The following ARHGAP10 variants were observed in gnomAD, a reference collection of about 807,000 sequenced individuals.
ARHGAP10 encodes the protein rho GTPase-activating protein 10.
In ARHGAP10, 87 loss-of-function variants were observed where a neutral mutation model predicts 108.6. The observed-to-expected ratio is 0.80, with a 90% CI of 0.67 to 0.96. The LOEUF (loss-of-function observed/expected upper bound fraction) is 0.96, where lower values mean the gene tolerates loss of function less well. Among genes scored for constraint, ARHGAP10 ranks in the 40% least tolerant of loss-of-function variants. ARHGAP10 has a pLI of 0.00. For missense variants in ARHGAP10, 939 were observed against 954.5 expected (o/e 0.98, Z 0.21); for synonymous variants, 347 against 341.1 (o/e 1.02, Z -0.19).
chr4:147,859,836 A>G (rs1235091480), intron 5 of ARHGAP10, among the ~76,000 whole-genome samples: 2 of 152,212 alleles, frequency 1.3e-5, no homozygotes, highest in East Asian at 3.8e-4. Flanking sequence ...ACATGAAGAG[A>G]TCCTAACGAT....
intron 1 of ARHGAP10, among the ~76,000 whole-genome samples, chr4:147,737,265 C>T (rs1728455956): frequency 1.3e-5 from 2 of 151,966 alleles, no homozygotes; most frequent in Admixed American, 1.3e-4. Context: ...ATTCTTGTGC[C>T]TTAGCCTCCC....
chr4:148,068,692 G>A (rs564795754), intron 22 of ARHGAP10, among the ~76,000 whole-genome samples: 22 of 152,316 alleles, frequency 1.4e-4, no homozygotes, highest in Admixed American at 3.9e-4. Context: ...TTGCCTCGGG[G>A]TGGGAGATAG....
intron 1 of ARHGAP10, among the ~76,000 whole-genome samples, chr4:147,799,913 G>T (rs769498110): frequency 2.0e-5 from 3 of 151,978 alleles, no homozygotes; most frequent in Admixed American, 2.0e-4. Context: ...CTTTTTTTTG[G>T]GGGGGTGCGG....
chr4:147,870,006 G>T (rs56178834), intron 7 of ARHGAP10, among the ~76,000 whole-genome samples: 13,271 of 132,088 alleles, frequency 0.1, 1,034 homozygotes, highest in South Asian at 0.17. Context: ...GTTTGTGTGT[G>T]TGTGTGTGTG....
At chr4:147,991,430 T>G (rs1283556434) in intron 18 of ARHGAP10, among the ~76,000 whole-genome samples, 2 of 152,274 alleles carry the variant, frequency 1.3e-5, no homozygotes, top group African/African-American at 4.8e-5. Context: ...GGAGGGGCCT[T>G]ACGGAGCTTA....
intron 19 of ARHGAP10, among the ~76,000 whole-genome samples, chr4:148,034,484 ATTTTTT>A (rs76525018): frequency 7.2e-6 from 1 of 139,164 alleles, no homozygotes; most frequent in Non-Finnish European, 1.6e-5. Context: ...CTCCCGGCTA[ATTTTTT>A]TTTTTTTTTT....
intron 18 of ARHGAP10, among the ~76,000 whole-genome samples, chr4:147,989,461 T>G (rs202183626): frequency 2.1e-5 from 3 of 139,772 alleles, no homozygotes; most frequent in African/African-American, 7.7e-5. Context: ...GGAGTTTATT[T>G]CACCTCTGCA....
chr4:147,946,539 G>C, intron 14 of ARHGAP10, 78 bp from the exon 15 acceptor site: 1 of 1,225,538 alleles, frequency 8.2e-7, no homozygotes, highest in Middle Eastern at 1.9e-4. Flanking sequence ...TTTAAAAATG[G>C]AAGCTTTGTG....
chr4:147,803,416 G>A (rs148959183), intron 1 of ARHGAP10, among the ~76,000 whole-genome samples: 10 of 152,286 alleles, frequency 6.6e-5, no homozygotes, highest in South Asian at 2.1e-4. Context: ...GGGTAATTGG[G>A]ATATCTATTG....
intron 3 of ARHGAP10, among the ~76,000 whole-genome samples, chr4:147,834,892 C>T (rs992778458): frequency 1.7e-4 from 26 of 151,952 alleles, no homozygotes; most frequent in African/African-American, 6.0e-4. Flanking sequence ...AGATGTTTCC[C>T]CTAATAAATT....
chr4:147,779,248 G>T (rs1465478483), intron 1 of ARHGAP10, among the ~76,000 whole-genome samples: 2 of 152,128 alleles, frequency 1.3e-5, no homozygotes, highest in Non-Finnish European at 2.9e-5. Flanking sequence ...TGGAGCAGAG[G>T]TGGAGGGTAG....
intron 18 of ARHGAP10, among the ~76,000 whole-genome samples, chr4:147,973,621 T>G (rs1332717837): frequency 6.6e-6 from 1 of 152,226 alleles, no homozygotes; most frequent in East Asian, 1.9e-4. Context: ...TATCAAATAC[T>G]GAATTTTATT....
intron 10 of ARHGAP10, among the ~76,000 whole-genome samples, chr4:147,886,469 G>A (rs570987023): frequency 6.2e-4 from 94 of 152,228 alleles, no homozygotes; most frequent in Middle Eastern, 6.8e-3. Context: ...TTCCTAATAA[G>A]TACCCTTAGA....
intron 3 of ARHGAP10, among the ~76,000 whole-genome samples, chr4:147,827,178 C>T (rs899415050): frequency 5.2e-4 from 75 of 145,282 alleles, no homozygotes; most frequent in Non-Finnish European, 5.3e-4. Flanking sequence ...TCACTGATCA[C>T]TTTTTTTTTT....
At chr4:148,049,773 C>T (rs1441643102) in intron 20 of ARHGAP10, among the ~76,000 whole-genome samples, 5 of 149,842 alleles carry the variant, frequency 3.3e-5, no homozygotes, top group Non-Finnish European at 7.4e-5. Context: ...CTTTCCCTTA[C>T]CCCAAGCTAG....
intron 16 of ARHGAP10, among the ~76,000 whole-genome samples, chr4:147,962,263 C>T (rs777467554): frequency 1.3e-5 from 2 of 152,208 alleles, no homozygotes; most frequent in Admixed American, 6.5e-5. Flanking sequence ...CACTGCTAGT[C>T]TGCTGCTAAA....
At chr4:147,833,652 A>T (rs533002976) in intron 3 of ARHGAP10, among the ~76,000 whole-genome samples, 2 of 152,220 alleles carry the variant, frequency 1.3e-5, no homozygotes, top group Non-Finnish European at 2.9e-5. Flanking sequence ...CACAAGAGGG[A>T]TACATGATGA....
At chr4:148,056,200 T>A (rs1322051346) in intron 20 of ARHGAP10, among the ~76,000 whole-genome samples, 1 of 152,110 alleles carries the variant, frequency 6.6e-6, no homozygotes, top group African/African-American at 2.4e-5. Flanking sequence ...TCAAAACAGG[T>A]CTGTTTGGAA....
intron 1 of ARHGAP10, among the ~76,000 whole-genome samples, chr4:147,820,956 C>T: frequency 6.6e-6 from 1 of 152,050 alleles, no homozygotes; most frequent in African/African-American, 2.4e-5. Context: ...TTCAATTACC[C>T]TCAAACCTAA....
Sources: allele counts gnomAD v4.1 joint callset (sites outside exome capture counted in the v4.1 genomes callset), GRCh38; gene constraint gnomAD v4.1.1; transcripts MANE v1.5; gene names NCBI Gene and HGNC (gene_info 2026-07-23, HGNC 2026-07-21).